HEMK2: variants seen among roughly 807,000 people sequenced by gnomAD.
The protein encoded by HEMK2 is methyltransferase HEMK2.
At chr21:28,781,123 G>C in the HEMK2 span, among the ~76,000 whole-genome samples, 4 of 151,898 alleles carry the variant, frequency 2.6e-5, no homozygotes, top group East Asian at 7.7e-4. Flanking sequence ...TCTATCTCAA[G>C]TTGCTTAGAG....
the HEMK2 span, among the ~76,000 whole-genome samples, chr21:28,807,934 A>G: frequency 3.7e-4 from 57 of 152,242 alleles, no homozygotes; most frequent in African/African-American, 1.3e-3. Context: ...AGGTGATGTG[A>G]AAGAGTCTTC....
chr21:28,617,463 A>AT, the HEMK2 span, among the ~76,000 whole-genome samples: 1 of 152,310 alleles, frequency 6.6e-6, no homozygotes, highest in African/African-American at 2.4e-5. Flanking sequence ...TTCACACCTC[A>AT]TAAGTACTTA....
chr21:28,731,817 A>C, the HEMK2 span, among the ~76,000 whole-genome samples: 3 of 151,380 alleles, frequency 2.0e-5, no homozygotes, highest in Non-Finnish European at 4.4e-5. Flanking sequence ...CTAGAGAGAA[A>C]AGAGAAGTGA....
the HEMK2 span, among the ~76,000 whole-genome samples, chr21:28,685,097 A>G: frequency 1.3e-5 from 2 of 152,120 alleles, no homozygotes; most frequent in Admixed American, 1.3e-4. Context: ...AAAAAAACCT[A>G]CAAAAAACAG....
chr21:28,729,633 CAAA>C, the HEMK2 span, among the ~76,000 whole-genome samples: 2 of 118,998 alleles, frequency 1.7e-5, no homozygotes, highest in Non-Finnish European at 1.9e-5. Context: ...TGCTGATAAG[CAAA>C]AAAAAAAAAA....
At chr21:28,885,357 G>C in the HEMK2 span, 1 of 1,538,704 alleles carries the variant, frequency 6.5e-7, no homozygotes, top group Non-Finnish European at 8.8e-7. Flanking sequence ...GTCCTTCGCT[G>C]CGTTCCATGC....
chr21:28,809,226 A>AC, the HEMK2 span, among the ~76,000 whole-genome samples: 1 of 150,060 alleles, frequency 6.7e-6, no homozygotes, highest in Non-Finnish European at 1.5e-5. Context: ...GGTAGGAAAG[A>AC]TAGAGGCATA....
chr21:28,789,157 T>C, the HEMK2 span, among the ~76,000 whole-genome samples: 1 of 152,194 alleles, frequency 6.6e-6, no homozygotes, highest in Non-Finnish European at 1.5e-5. Context: ...GAATTTCAGA[T>C]GAATATCAAG....
At chr21:28,736,481 C>T in the HEMK2 span, among the ~76,000 whole-genome samples, 9 of 152,296 alleles carry the variant, frequency 5.9e-5, no homozygotes, top group Non-Finnish European at 1.0e-4. Flanking sequence ...AGTGGCCGGA[C>T]GCGGTGGCTC....
the HEMK2 span, among the ~76,000 whole-genome samples, chr21:28,853,528 G>A: frequency 2.6e-5 from 4 of 152,230 alleles, no homozygotes; most frequent in Non-Finnish European, 5.9e-5. Context: ...CCCCTCATGG[G>A]TCACACTCTC....
chr21:28,691,729 A>T, the HEMK2 span, among the ~76,000 whole-genome samples: 2 of 152,202 alleles, frequency 1.3e-5, no homozygotes, highest in African/African-American at 4.8e-5. Context: ...AACAGCAGAT[A>T]AAGTGTCAAC....
the HEMK2 span, among the ~76,000 whole-genome samples, chr21:28,884,512 AT>A: frequency 6.6e-6 from 1 of 152,198 alleles, no homozygotes; most frequent in Non-Finnish European, 1.5e-5. Flanking sequence ...CAATGTCAGT[AT>A]TCATTCCTTC....
the HEMK2 span, among the ~76,000 whole-genome samples, chr21:28,810,541 T>G: frequency 6.6e-6 from 1 of 152,194 alleles, no homozygotes; most frequent in Non-Finnish European, 1.5e-5. Flanking sequence ...TTTTTCCACA[T>G]TCACATATGT....
At chr21:28,786,800 A>G in the HEMK2 span, among the ~76,000 whole-genome samples, 3 of 152,250 alleles carry the variant, frequency 2.0e-5, no homozygotes, top group Admixed American at 6.5e-5. Context: ...GATAATAGTA[A>G]TAACAGTACT....
At chr21:28,836,275 T>G in the HEMK2 span, among the ~76,000 whole-genome samples, 1 of 152,080 alleles carries the variant, frequency 6.6e-6, no homozygotes, top group African/African-American at 2.4e-5. Flanking sequence ...CCTATCAGAT[T>G]AACAGCAGAT....
the HEMK2 span, among the ~76,000 whole-genome samples, chr21:28,611,600 T>C: frequency 6.6e-6 from 1 of 152,002 alleles, no homozygotes; most frequent in Admixed American, 6.6e-5. Context: ...AAAATTACCA[T>C]TTTAAATGGG....
chr21:28,713,790 A>G, the HEMK2 span, among the ~76,000 whole-genome samples: 1 of 152,388 alleles, frequency 6.6e-6, no homozygotes, highest in East Asian at 1.9e-4. Flanking sequence ...AAGATGGCAC[A>G]TAGCAGGGGC....
chr21:28,637,386 A>G, the HEMK2 span, among the ~76,000 whole-genome samples: 11 of 152,106 alleles, frequency 7.2e-5, no homozygotes, highest in Non-Finnish European at 1.2e-4. Flanking sequence ...GGATTAAAAG[A>G]TCACTTGGAT....
chr21:28,638,507 G>C, the HEMK2 span, among the ~76,000 whole-genome samples: 1 of 152,172 alleles, frequency 6.6e-6, no homozygotes, highest in African/African-American at 2.4e-5. Context: ...GCATTCTGCC[G>C]TTTTAAGCAA....
Sources: allele counts gnomAD v4.1 joint callset (sites outside exome capture counted in the v4.1 genomes callset), GRCh38; gene constraint gnomAD v4.1.1; transcripts MANE v1.5; gene names NCBI Gene and HGNC (gene_info 2026-07-23, HGNC 2026-07-21).